Variants in OR3A2 observed in about 807,000 individuals in gnomAD.
OR3A2 encodes the protein olfactory receptor family 3 subfamily A member 2, also known as olfactory receptor 3A2.
For synonymous variants in OR3A2, 126 were observed against 159.3 expected (o/e 0.79, Z 1.57); for missense variants, 318 against 392.8 (o/e 0.81, Z 1.61).
At chr17:3,306,945 T>C (rs554056737) in intron 3 of OR3A2, among the ~76,000 whole-genome samples, 1 of 152,318 alleles carries the variant, frequency 6.6e-6, no homozygotes, top group African/African-American at 2.4e-5. Flanking sequence ...CAACAAGGCA[T>C]GTGGTTCAAC....
At chr17:3,372,473 G>A (rs1190449039) in intron 2 of OR3A2, among the ~76,000 whole-genome samples, 14 of 151,990 alleles carry the variant, frequency 9.2e-5, no homozygotes, top group African/African-American at 2.2e-4. Context: ...CAAGGCAGGC[G>A]GCTGGGAGGT....
intron 2 of OR3A2, among the ~76,000 whole-genome samples, chr17:3,347,485 A>G (rs1680899257): frequency 6.6e-6 from 1 of 152,118 alleles, no homozygotes; most frequent in African/African-American, 2.4e-5. Flanking sequence ...ATGAGTGAGA[A>G]CATGCGGTGT....
chr17:3,333,547 C>T (rs575800926), intron 3 of OR3A2, among the ~76,000 whole-genome samples: 6 of 152,134 alleles, frequency 3.9e-5, no homozygotes, highest in Admixed American at 1.3e-4. Flanking sequence ...GTGGACATCA[C>T]GGACCTGCCA....
rs1490883128 is a variant in OR3A2, at chr17:3,278,373, C to T, written c.545G>A (p.Cys182Tyr). ...GAGCTGGAAGAGCTGTGGGAGGTCA[C>T]AGTAGAAGTGATTGACCTCATTGGG... is the stretch of plus-strand genomic sequence containing the variant. The change falls in exon 2 of 2, where the codon TGT (cysteine) becomes TAT (tyrosine). Residue 182 changes from cysteine (C) to tyrosine (Y), a missense_variant. Coordinates refer to ENST00000642052, the Ensembl canonical transcript of OR3A2. 1.5e-5 allele frequency: 24 copies of T among 1,614,152 alleles called. No homozygotes were observed. The East Asian group carries it at 5.1e-4, about 34-fold the overall frequency.
At chr17:3,352,551 G>C (rs1410006056) in intron 2 of OR3A2, among the ~76,000 whole-genome samples, 1 of 151,342 alleles carries the variant, frequency 6.6e-6, no homozygotes, top group Non-Finnish European at 1.5e-5. Context: ...TGTCAAAAAT[G>C]AGTTCACTGT....
chr17:3,370,700 A>C lies in OR3A2; in HGVS notation c.-179+13104T>G, dbSNP rs556566668. Among the ~76,000 whole-genome samples, 6 of 151,390 alleles carry C rather than the reference A, an allele frequency of 4.0e-5. No individual in the cohort carries two copies. The East Asian group carries it at 1.2e-3, about 29-fold the overall frequency. ...GGGGGATTTGGCAGGGTCATAGGACAATAGTGGAGGGAAGGTCAGCAGATA... is the reference window on the plus strand; with the variant it reads ...GGGGGATTTGGCAGGGTCATAGGACCATAGTGGAGGGAAGGTCAGCAGATA... On this transcript the variant is annotated intron_variant, in intron 2 of 4. Coordinates refer to the OR3A2 transcript ENST00000573491.
At chr17:3,315,589 G>C (rs1023516273) in intron 3 of OR3A2, among the ~76,000 whole-genome samples, 14 of 151,918 alleles carry the variant, frequency 9.2e-5, no homozygotes, top group African/African-American at 3.4e-4. Flanking sequence ...TGGATATTAG[G>C]CCTTTGTCAG....
At chr17:3,376,751 C>T (rs1325164354) in intron 2 of OR3A2, among the ~76,000 whole-genome samples, 1 of 152,054 alleles carries the variant, frequency 6.6e-6, no homozygotes, top group Non-Finnish European at 1.5e-5. Flanking sequence ...CCTCTCCCTG[C>T]CTGCCTTATT....
Position 3,372,841 on chromosome 17 carries a change from A to G in OR3A2, c.-179+10963T>C, listed in dbSNP as rs1329603189. Among the ~76,000 whole-genome samples, 58 of 98,512 alleles carry G rather than the reference A, an allele frequency of 5.9e-4. 2 individuals are homozygous for G. The highest frequency in any genetic ancestry group is 3.7e-4 in the Admixed American group (3 of 8,092). The allele number at this position is 98,512 out of a possible 152,430, so 64.6% of individuals were successfully genotyped here. A position where few individuals can be genotyped will look rare whatever the true frequency, so the allele number is the denominator to read the frequency against. On this transcript the variant is annotated intron_variant, in intron 2 of 4. Transcript: ENST00000573491. ...AAGAGGGAGAGGGAGAGGGAGGAGA[A>G]GGAGAAGGAGAGGGAGAGGGAGAGG...
At chr17:3,304,551 T>A (rs1213110883) in intron 3 of OR3A2, among the ~76,000 whole-genome samples, 2 of 152,108 alleles carry the variant, frequency 1.3e-5, no homozygotes, top group Admixed American at 6.5e-5. Flanking sequence ...TCATAGATTT[T>A]GTTTGGTTTC....
rs140215735 is a variant in OR3A2, at chr17:3,373,091, G to A, written c.-179+10713C>T. On this transcript the variant is annotated intron_variant, in intron 2 of 4. Coordinates refer to the OR3A2 transcript ENST00000573491. The stretch of plus-strand genomic sequence containing the variant: ...GAAGCAGCTTATATAATTTCCATGC[G>A]TGTGTGTAGTTTTGAGGGTTCCTTT... 8.9e-3 allele frequency among the ~76,000 whole-genome samples: 1,351 copies of A among 152,098 alleles called. 20 individuals carry two copies. The highest frequency in any genetic ancestry group is 0.031 in the African/African-American group (1,285 of 41,476).
exon 2 of OR3A2, chr17:3,278,377 A>G: frequency 6.2e-7 from 1 of 1,614,238 alleles, no homozygotes; most frequent in Non-Finnish European, 8.5e-7. Flanking sequence ...AGGTCACAGT[A>G]GAAGTGATTG....
chr17:3,290,566 G>A (rs1410715957), intron 3 of OR3A2, among the ~76,000 whole-genome samples: 1 of 152,214 alleles, frequency 6.6e-6, no homozygotes, highest in Admixed American at 6.5e-5. Flanking sequence ...GCCAGTCAAA[G>A]GAAAGTTTTA....
intron 3 of OR3A2, among the ~76,000 whole-genome samples, chr17:3,326,550 T>C (rs922109977): frequency 1.4e-5 from 2 of 145,778 alleles, no homozygotes; most frequent in Admixed American, 6.8e-5. Context: ...TGTCTTTTTT[T>C]TTTCTTCTTT....
chr17:3,378,231 G>A (rs977109265), intron 2 of OR3A2, among the ~76,000 whole-genome samples: 3 of 152,220 alleles, frequency 2.0e-5, no homozygotes, highest in African/African-American at 7.2e-5. Flanking sequence ...CCCATGCCAA[G>A]CTGCCCTCAC....
At chr17:3,312,717 T>C (rs1342594050) in intron 3 of OR3A2, among the ~76,000 whole-genome samples, 1 of 152,192 alleles carries the variant, frequency 6.6e-6, no homozygotes, top group East Asian at 1.9e-4. Context: ...CTCTGCCTCC[T>C]GGGTTCAAGT....
At chr17:3,282,205 G>A (rs1012602982) in intron 1 of OR3A2, among the ~76,000 whole-genome samples, 2 of 152,120 alleles carry the variant, frequency 1.3e-5, no homozygotes, top group Non-Finnish European at 2.9e-5. Context: ...ACGAGGTCAG[G>A]AGATTGACAC....
intron 2 of OR3A2, among the ~76,000 whole-genome samples, chr17:3,360,302 G>A (rs367589477): frequency 2.0e-5 from 3 of 151,432 alleles, no homozygotes; most frequent in East Asian, 1.9e-4. Context: ...AGTTCTTTGT[G>A]GATTCTGGAT....
At chr17:3,368,999 T>C (rs997318069) in intron 2 of OR3A2, among the ~76,000 whole-genome samples, 52 of 152,144 alleles carry the variant, frequency 3.4e-4, no homozygotes, top group Admixed American at 2.0e-4. Context: ...TTTGTAGCAG[T>C]TGTAAAAGGG....
Sources: gnomAD v4.1 joint callset for allele counts (sites outside exome capture counted in the v4.1 genomes callset) on GRCh38, gnomAD v4.1.1 for gene constraint, MANE v1.5 for transcripts, NCBI Gene and HGNC (gene_info 2026-07-23, HGNC 2026-07-21) for gene names.